SUPT20H: variants seen among roughly 807,000 people sequenced by gnomAD.
SUPT20H encodes SPT20 homolog, SAGA complex component.
A neutral mutation model predicts 122.8 loss-of-function variants in SUPT20H; 82 were observed. The ratio of observed to expected loss-of-function variants is 0.67; its 90% CI spans 0.56 to 0.80. SUPT20H has a LOEUF of 0.80. Among genes scored for constraint, SUPT20H ranks in the 30% least tolerant of loss-of-function variants. The pLI is 0.00. For synonymous variants in SUPT20H, 291 were observed against 313.0 expected (o/e 0.93, Z 0.74); for missense variants, 831 against 921.6 (o/e 0.90, Z 1.27).
At position 37,040,445 on chromosome 13, in the gene SUPT20H, T is replaced by C. The variant is rs1010607998; in HGVS notation, c.527A>G (p.Asp176Gly). 3.8e-6 allele frequency: 6 copies of C among 1,581,758 alleles called. No individual in the cohort carries two copies. The highest frequency in any genetic ancestry group is 2.7e-5 in the African/African-American group (2 of 72,900). Reference protein sequence around the residue: ...LRPTMQTLICDVHSITSDNHK... With the variant: ...LRPTMQTLICGVHSITSDNHK... ...GTTATCACTTGTTATTGAATGTACA[T>C]CACAAATTAAAGTCTAGAAGAAATA... Residue 176 changes from aspartate (D) to glycine (G), a missense_variant, in exon 9 of 26, where the codon GAT becomes GGT. By Grantham distance (94) the Asp-to-Gly change is moderately conservative. Transcript: ENST00000350612.
intron 24 of SUPT20H, 91 bp downstream of exon 24, chr13:37,012,101 G>A: frequency 1.0e-6 from 1 of 993,052 alleles, no homozygotes. Context: ...TGGTTGCAAG[G>A]GAAGGAAAAG....
At chr13:37,059,437 A>AC (rs1487503607) in intron 1 of SUPT20H, 122 bp downstream of exon 1, 3 of 151,604 alleles carry the variant, frequency 2.0e-5, no homozygotes, top group Admixed American at 6.6e-5. Flanking sequence ...GTCTCTGGGG[A>AC]CCCCGTCTTC....
At chr13:37,018,382 G>A (rs1375814358) in intron 22 of SUPT20H, among the ~76,000 whole-genome samples, 1 of 152,168 alleles carries the variant, frequency 6.6e-6, no homozygotes, top group Non-Finnish European at 1.5e-5. Flanking sequence ...CATATTATAA[G>A]TATATTGTTC....
rs1305665950 is a variant in SUPT20H at position 37,026,707 on chromosome 13, A to G, written c.1178+83T>C. ...ATACATATTTATCACTGATTCAAAT[A>G]AAGTATATTTAGCAAGTCTTTTTAA... On this transcript the variant is annotated intron_variant, in intron 15 of 25. Coordinates refer to ENST00000350612, the MANE Select transcript of SUPT20H (RefSeq NM_001014286.3). 12 of 808,080 alleles carry G rather than the reference A, an allele frequency of 1.5e-5. 1 individual carries two copies. In the South Asian group the frequency reaches 2.3e-4, roughly 16 times the overall value. 50.1% of individuals were successfully genotyped at this position (808,080 alleles called of 1,614,324 possible).
At position 37,029,281 on chromosome 13, in the gene SUPT20H, T is replaced by A. The variant is rs143826976; in HGVS notation, c.993+484A>T. 2.4e-3 allele frequency among the ~76,000 whole-genome samples: 367 copies of A among 152,228 alleles called. 3 individuals are homozygous for A. Among genetic ancestry groups the A allele is most frequent in the African/African-American group, 8.2e-3 (339 of 41,566 alleles). ...CAGTGGCTCATGCCTGTAATCCCAG[T>A]ACTTTGGGAGGCCAAGGTGGGCGGA... On this transcript the variant is annotated intron_variant, in intron 13 of 25. Coordinates refer to ENST00000350612, the MANE Select transcript of SUPT20H (RefSeq NM_001014286.3).
chr13:37,023,887 G>T (rs2061770785), intron 19 of SUPT20H, 148 bp downstream of exon 19: 3 of 687,074 alleles, frequency 4.4e-6, no homozygotes, highest in Non-Finnish European at 6.8e-6. Flanking sequence ...ATCAACAAGA[G>T]CTCTGCCTGA....
intron 4 of SUPT20H, 62 bp downstream of exon 4, chr13:37,047,816 A>G (rs1344787232): frequency 4.7e-6 from 7 of 1,486,968 alleles, no homozygotes; most frequent in Non-Finnish European, 6.4e-6. Context: ...GAGGAATGCA[A>G]TAAAAGGTAG....
Position 37,051,479 on chromosome 13 carries a change from G to A in SUPT20H, c.3+9C>T, listed in dbSNP as rs1380048850. On this transcript the variant is annotated intron_variant, in intron 2 of 25. Transcript: ENST00000350612. ...AACACAAATTTGAACATACTGAGCTGAAGCTTACCATTATGGCATAAAATA... is the reference window on the plus strand; with the variant it reads ...AACACAAATTTGAACATACTGAGCTAAAGCTTACCATTATGGCATAAAATA... 2 of 1,610,550 alleles carry A rather than the reference G, an allele frequency of 1.2e-6. No homozygotes were observed.
chr13:37,020,780 T>C (rs1669419851), intron 21 of SUPT20H, among the ~76,000 whole-genome samples: 1 of 152,160 alleles, frequency 6.6e-6, no homozygotes, highest in Non-Finnish European at 1.5e-5. Context: ...ACTGAATCGT[T>C]TCAAGATATT....
chr13:37,056,990 T>C (rs912272104), intron 1 of SUPT20H: 3 of 152,176 alleles, frequency 2.0e-5, no homozygotes, highest in African/African-American at 7.2e-5. Flanking sequence ...TAGCAAAGGA[T>C]GGTGCGTAAC....
chr13:37,045,440 T>C, intron 5 of SUPT20H, 67 bp from the exon 6 acceptor site: 1 of 1,571,958 alleles, frequency 6.4e-7, no homozygotes, highest in South Asian at 1.2e-5. Flanking sequence ...ATGCTATGAT[T>C]TAACAAAATC....
chr13:37,050,434 C>T (rs2067437005), intron 2 of SUPT20H, among the ~76,000 whole-genome samples: 1 of 151,910 alleles, frequency 6.6e-6, no homozygotes, highest in Admixed American at 6.6e-5. Context: ...TCCTGACTCC[C>T]ATTTTCCCTG....
chr13:37,026,237 C>A lies in SUPT20H; in HGVS notation c.1179-1G>T. ...ATCGGTCTTTGATCCAATAATGAAC[C>A]TAAAATGTTTAAGGAAAAAAAAGGA... On this transcript the variant is annotated splice_acceptor_variant, in intron 15 of 25. Coordinates refer to ENST00000350612, the MANE Select transcript of SUPT20H (RefSeq NM_001014286.3). LOFTEE classifies it high-confidence loss of function. 1 of 1,499,228 alleles carries A rather than the reference C, an allele frequency of 6.7e-7. No individual in the cohort carries two copies. The highest frequency in any genetic ancestry group is 1.4e-5 in the South Asian group (1 of 72,944). The allele number at this position is 1,499,228 out of a possible 1,614,324, so 92.9% of individuals were successfully genotyped here. A position where few individuals can be genotyped will look rare whatever the true frequency, so the allele number is the denominator to read the frequency against.
At position 37,022,983 on chromosome 13, in the gene SUPT20H, AC is replaced by A; in HGVS notation, c.1592-904del. The A allele has an allele frequency of 7.9e-7, 1 of 1,260,866 alleles. No homozygotes were observed. The highest frequency in any genetic ancestry group is 1.0e-6 in the Non-Finnish European group (1 of 978,032). The allele number at this position is 1,260,866 out of a possible 1,614,324, so 78.1% of individuals were successfully genotyped here. On this transcript the variant is annotated intron_variant, in intron 19 of 25. Coordinates refer to ENST00000350612, the MANE Select transcript of SUPT20H (RefSeq NM_001014286.3). The surrounding 1 kb of genome is among the most constrained non-coding windows in gnomAD (Gnocchi z 4.5). The stretch of plus-strand genomic sequence containing the variant: ...ATTTTTTAAAAAACAAAAACAAAAA[AC>A]AAAAACCAAAAAAGTAAAACCAAAA...
At chr13:37,017,844 G>A (rs1483333769) in intron 22 of SUPT20H, among the ~76,000 whole-genome samples, 2 of 152,060 alleles carry the variant, frequency 1.3e-5, no homozygotes. Flanking sequence ...AAAAGAAAGT[G>A]CATTTAGATG....
At chr13:37,031,714 C>T in intron 11 of SUPT20H, 25 bp downstream of exon 11, 1 of 1,558,558 alleles carries the variant, frequency 6.4e-7, no homozygotes, top group South Asian at 1.2e-5. Flanking sequence ...GCATAATAAG[C>T]TTCATTTAAA....
chr13:37,038,501 G>A (rs2064914049), intron 9 of SUPT20H: 1 of 152,024 alleles, frequency 6.6e-6, no homozygotes, highest in South Asian at 2.1e-4. Context: ...TAATCTTTTT[G>A]TAGATGACAA....
chr13:37,046,985 G>C (rs968886992), intron 5 of SUPT20H: 1 of 152,008 alleles, frequency 6.6e-6, no homozygotes, highest in African/African-American at 2.4e-5. Flanking sequence ...TCCAACCCGA[G>C]GGCTCCAAGA....
At chr13:37,052,844 C>A (rs888335933) in intron 1 of SUPT20H, among the ~76,000 whole-genome samples, 2 of 151,962 alleles carry the variant, frequency 1.3e-5, no homozygotes, top group African/African-American at 4.8e-5. Flanking sequence ...AAAAAAACAA[C>A]CCCATCAAAA....
Sources: gnomAD v4.1 joint callset for allele counts (sites outside exome capture counted in the v4.1 genomes callset) on GRCh38, gnomAD v4.1.1 for gene constraint, Gnocchi (gnomAD v3.1) non-coding constraint, MANE v1.5 for transcripts, NCBI Gene and HGNC (gene_info 2026-07-23, HGNC 2026-07-21) for gene names.